RGS6: variants seen among roughly 807,000 people sequenced by gnomAD.
RGS6 encodes regulator of G protein signaling 6.
In RGS6, 30 loss-of-function variants were observed where a neutral mutation model predicts 78.5. That is an observed-to-expected ratio of 0.38 (90% CI 0.29 to 0.52). The LOEUF is 0.52. Ranked by LOEUF, RGS6 falls within the 20% of genes least tolerant of loss-of-function variation. The probability of loss-of-function intolerance (pLI) is 0.85; values close to 1 mark genes in which losing one functional copy is unlikely to be tolerated. For synonymous variants in RGS6, 206 were observed against 206.0 expected (o/e 1.00, Z 0.00); for missense variants, 495 against 609.7 (o/e 0.81, Z 1.98).
chr14:72,505,054 G>A (rs1221388231), intron 13 of RGS6, among the ~76,000 whole-genome samples: 2 of 151,042 alleles, frequency 1.3e-5, no homozygotes, highest in East Asian at 3.9e-4. Context: ...GGGATTACAG[G>A]CGTGAGCCAC....
intron 11 of RGS6, 139 bp downstream of exon 11, chr14:72,476,979 T>C: frequency 1.5e-6 from 1 of 685,840 alleles, no homozygotes; most frequent in South Asian, 1.8e-5. Context: ...TGATTGAACC[T>C]TTTAAGTGCT....
At chr14:72,524,209 A>G (rs2097091025) in intron 15 of RGS6, among the ~76,000 whole-genome samples, 1 of 152,222 alleles carries the variant, frequency 6.6e-6, no homozygotes, top group Non-Finnish European at 1.5e-5. Context: ...ATGCCAGAAA[A>G]GGATGTAAGA....
chr14:72,545,272 C>G (rs2153519613), intron 17 of RGS6, among the ~76,000 whole-genome samples: 1 of 152,324 alleles, frequency 6.6e-6, no homozygotes, highest in South Asian at 2.1e-4. Flanking sequence ...GAAACCCTGG[C>G]CCTGGCTGGA....
intron 3 of RGS6, among the ~76,000 whole-genome samples, chr14:72,430,237 C>T (rs776373113): frequency 1.1e-4 from 17 of 152,210 alleles, no homozygotes; most frequent in Non-Finnish European, 2.2e-4. Context: ...CCATCCACTT[C>T]GCTCACACGT....
At chr14:72,086,214 G>C (rs922787237) in intron 2 of RGS6, among the ~76,000 whole-genome samples, 3 of 152,224 alleles carry the variant, frequency 2.0e-5, no homozygotes, top group African/African-American at 4.8e-5. Context: ...CTGATAACAT[G>C]ATGGGAGATG....
intron 2 of RGS6, among the ~76,000 whole-genome samples, chr14:72,335,590 G>A (rs1460138271): frequency 6.6e-6 from 1 of 152,120 alleles, no homozygotes; most frequent in Non-Finnish European, 1.5e-5. Context: ...AGCTGTGTTT[G>A]TAGAACAAGC....
At position 72,266,871 on chromosome 14, in the gene RGS6, G is replaced by A. The variant is rs77769287; in HGVS notation, c.85-85224G>A. The stretch of plus-strand genomic sequence containing the variant: ...CTGGGTGAGGGCAAGTTTATCCTGC[G>A]GTGCAGCACCTCAGACCAGGGTCTA... On this transcript the variant is annotated intron_variant, in intron 2 of 17. Coordinates refer to ENST00000553525, the MANE Select transcript of RGS6 (RefSeq NM_001204424.2). Among the ~76,000 whole-genome samples the A allele has an allele frequency of 3.1e-3, 465 of 152,236 alleles. 1 individual carries two copies. The highest frequency in any genetic ancestry group is 0.011 in the African/African-American group (448 of 41,532).
At chr14:71,937,473 C>T (rs368800392) in intron 1 of RGS6, among the ~76,000 whole-genome samples, 38 of 152,196 alleles carry the variant, frequency 2.5e-4, no homozygotes, top group African/African-American at 8.0e-4. Flanking sequence ...AGAGCATACA[C>T]GGCCCTCTGG....
intron 17 of RGS6, among the ~76,000 whole-genome samples, chr14:72,555,049 A>C (rs2097552173): frequency 6.6e-6 from 1 of 152,242 alleles, no homozygotes; most frequent in African/African-American, 2.4e-5. Flanking sequence ...GAACACCAGC[A>C]GGGAGGGCTT....
intron 2 of RGS6, among the ~76,000 whole-genome samples, chr14:72,206,363 C>G (rs2042708003): frequency 6.6e-6 from 1 of 152,052 alleles, no homozygotes; most frequent in Non-Finnish European, 1.5e-5. Flanking sequence ...ATTTTGTTAC[C>G]TGGAAGAAGC....
At chr14:72,263,055 C>A (rs2058445624) in intron 2 of RGS6, among the ~76,000 whole-genome samples, 1 of 152,246 alleles carries the variant, frequency 6.6e-6, no homozygotes, top group Non-Finnish European at 1.5e-5. Flanking sequence ...ATATTAGCAG[C>A]CTGGACCCAG....
At chr14:72,292,360 TTC>T (rs1301530710) in intron 2 of RGS6, among the ~76,000 whole-genome samples, 1 of 152,160 alleles carries the variant, frequency 6.6e-6, no homozygotes, top group African/African-American at 2.4e-5. Flanking sequence ...TGACAGTCGC[TTC>T]TCTCACTGCC....
chr14:72,507,851 G>T (rs1046523470), intron 13 of RGS6, among the ~76,000 whole-genome samples: 3 of 152,218 alleles, frequency 2.0e-5, no homozygotes, highest in South Asian at 4.1e-4. Context: ...AAGAGTAAAT[G>T]GTTGGGTCCA....
intron 1 of RGS6, among the ~76,000 whole-genome samples, chr14:71,939,609 A>G (rs1034891420): frequency 5.3e-5 from 8 of 152,254 alleles, no homozygotes; most frequent in Non-Finnish European, 1.0e-4. Context: ...GCATTTGCCA[A>G]GTCAATGGCT....
intron 8 of RGS6, among the ~76,000 whole-genome samples, chr14:72,471,322 TC>T (rs2096072225): frequency 6.6e-6 from 1 of 152,084 alleles, no homozygotes; most frequent in South Asian, 2.1e-4. Context: ...GTCAACCAGA[TC>T]CATTTAATTC....
In RGS6 at chr14:72,415,690, G is replaced by A. The variant is rs577896872; in HGVS notation, c.185-38838G>A. Among the ~76,000 whole-genome samples the A allele has an allele frequency of 1.5e-3, 225 of 152,130 alleles. 1 individual carries two copies. The highest frequency in any genetic ancestry group is 5.3e-3 in the African/African-American group (219 of 41,504). ...TCGGCCATCTTGGCTCCACCCCCCCGGCAACTGCCTATTGTTTTACCTGAT... is the reference window on the plus strand; with the variant it reads ...TCGGCCATCTTGGCTCCACCCCCCCAGCAACTGCCTATTGTTTTACCTGAT... On this transcript the variant is annotated intron_variant, in intron 3 of 17. Coordinates refer to ENST00000553525, the MANE Select transcript of RGS6 (RefSeq NM_001204424.2).
intron 12 of RGS6, 144 bp downstream of exon 12, chr14:72,478,473 C>T (rs2096290977): frequency 4.7e-6 from 3 of 638,992 alleles, no homozygotes; most frequent in African/African-American, 3.7e-5. Flanking sequence ...AACCCACAGG[C>T]TCCATGTGAG....
At chr14:72,623,177 T>G in the RGS6 span, among the ~76,000 whole-genome samples, 4 of 152,230 alleles carry the variant, frequency 2.6e-5, no homozygotes, top group Non-Finnish European at 5.9e-5. Context: ...GTTGCCTATA[T>G]GCAGAGTGAA....
intron 2 of RGS6, among the ~76,000 whole-genome samples, chr14:72,326,847 A>C (rs1273982538): frequency 6.6e-6 from 1 of 152,146 alleles, no homozygotes; most frequent in Non-Finnish European, 1.5e-5. Context: ...CGCTGGGACT[A>C]CAGGCGCCCG....
Sources: allele counts gnomAD v4.1 joint callset (sites outside exome capture counted in the v4.1 genomes callset), GRCh38; gene constraint gnomAD v4.1.1; transcripts MANE v1.5; gene names NCBI Gene and HGNC (gene_info 2026-07-23, HGNC 2026-07-21).